LYN: variants seen among roughly 807,000 people sequenced by gnomAD.
LYN encodes tyrosine-protein kinase Lyn.
In LYN, 12 loss-of-function variants were observed where a neutral mutation model predicts 65.0. The observed-to-expected ratio is 0.18, with a 90% CI of 0.12 to 0.30. The LOEUF (loss-of-function observed/expected upper bound fraction) is 0.30, where lower values mean the gene tolerates loss of function less well. Ranked by LOEUF, LYN falls within the 10% of genes least tolerant of loss-of-function variation. The probability of loss-of-function intolerance (pLI) is 1.00; values close to 1 mark genes in which losing one functional copy is unlikely to be tolerated. For synonymous variants in LYN, 222 were observed against 221.2 expected (o/e 1.00, Z -0.03); for missense variants, 380 against 623.2 (o/e 0.61, Z 4.16).
intron 1 of LYN, among the ~76,000 whole-genome samples, chr8:55,918,593 C>T (rs1348247972): frequency 6.6e-6 from 1 of 152,150 alleles, no homozygotes; most frequent in African/African-American, 2.4e-5. Context: ...TTGTCCATCA[C>T]CACACATAAG....
intron 2 of LYN, among the ~76,000 whole-genome samples, chr8:55,943,115 A>G (rs1310867791): frequency 6.6e-6 from 1 of 152,220 alleles, no homozygotes; most frequent in African/African-American, 2.4e-5. Context: ...CTAACATCAC[A>G]TTTTATGGAA....
intron 10 of LYN, among the ~76,000 whole-genome samples, chr8:55,997,634 G>T (rs1467349352): frequency 1.3e-5 from 2 of 152,162 alleles, no homozygotes; most frequent in Non-Finnish European, 2.9e-5. Context: ...GTTCAGGATT[G>T]CAACATTTGA....
intron 8 of LYN, among the ~76,000 whole-genome samples, chr8:55,965,826 G>T (rs1263121397): frequency 6.6e-6 from 1 of 152,028 alleles, no homozygotes; most frequent in African/African-American, 2.4e-5. Flanking sequence ...TATTATTAGA[G>T]AAAAATATTA....
At position 56,010,202 on chromosome 8, in the gene LYN, C is replaced by CG. The variant is rs2130604940; in HGVS notation, c.*96dup. On this transcript the variant is annotated 3_prime_UTR_variant, in exon 13 of 13. Coordinates refer to ENST00000519728, the MANE Select transcript of LYN (RefSeq NM_002350.4). ...CTGGTTGCACTTATGATTTCATGTGCGGGGATCATCTGCCGTGCCTGGATC... is the reference window on the plus strand; with the variant it reads ...CTGGTTGCACTTATGATTTCATGTGCGGGGGATCATCTGCCGTGCCTGGATC... 1 of 1,285,636 alleles carries CG rather than the reference C, an allele frequency of 7.8e-7. No individual in the cohort carries two copies. Among genetic ancestry groups the CG allele is most frequent in the Admixed American group, 1.9e-5 (1 of 53,998 alleles). 79.6% of individuals were successfully genotyped at this position (1,285,636 alleles called of 1,614,324 possible).
rs1806919982 is a variant in LYN, at chr8:55,950,804, C to T, written c.487+20C>T. 6.6e-7 allele frequency: 1 copy of T among 1,520,058 alleles called. No homozygotes were observed. The highest frequency in any genetic ancestry group is 9.1e-7 in the Non-Finnish European group (1 of 1,094,814). 94.2% of individuals were successfully genotyped at this position (1,520,058 alleles called of 1,614,324 possible). A position where few individuals can be genotyped will look rare whatever the true frequency, so the allele number is the denominator to read the frequency against. On this transcript the variant is annotated intron_variant, in intron 6 of 12. Coordinates refer to ENST00000519728, the MANE Select transcript of LYN (RefSeq NM_002350.4). The stretch of plus-strand genomic sequence containing the variant: ...TAAAAGGTAGGAAATTGTTCAAAGC[C>T]TCTTTTAAAACACTATTTAGGAAAT...
intron 1 of LYN, among the ~76,000 whole-genome samples, chr8:55,920,083 G>GT (rs1445855898): frequency 6.6e-6 from 1 of 152,188 alleles, no homozygotes; most frequent in African/African-American, 2.4e-5. Flanking sequence ...ACATAGAACT[G>GT]TTTTTTCTGC....
At chr8:56,002,163 TC>T (rs1808531114) in intron 12 of LYN, among the ~76,000 whole-genome samples, 1 of 152,036 alleles carries the variant, frequency 6.6e-6, no homozygotes, top group African/African-American at 2.4e-5. Flanking sequence ...ACACCTGTAA[TC>T]CCAGCACTTT....
chr8:55,884,772 G>A (rs1446621656), intron 1 of LYN, among the ~76,000 whole-genome samples: 2 of 152,186 alleles, frequency 1.3e-5, no homozygotes, highest in Non-Finnish European at 2.9e-5. Context: ...ATTTAGAAGA[G>A]CAAGTTTAAA....
In LYN at chr8:55,909,028, CACACACACACACACACACACACA is replaced by C. The variant is rs1563504873; in HGVS notation, c.-6+28926_-6+28948del. ...ATATATATACACACACACACACACA[CACACACACACACACACACACACA>C]CCCCACATTTTCTTTACTTTTATTT... On this transcript the variant is annotated intron_variant, in intron 1 of 12. Coordinates refer to ENST00000519728, the MANE Select transcript of LYN (RefSeq NM_002350.4). Among the ~76,000 whole-genome samples the C allele has an allele frequency of 6.4e-3, 383 of 60,310 alleles. 60 individuals are homozygous for C. Among genetic ancestry groups the C allele is most frequent in the Middle Eastern group, 0.029 (4 of 140 alleles). 39.6% of individuals were successfully genotyped at this position (60,310 alleles called of 152,430 possible). A position where few individuals can be genotyped will look rare whatever the true frequency, so the allele number is the denominator to read the frequency against.
chr8:55,973,364 A>G lies in LYN; in HGVS notation c.1050+3571A>G, dbSNP rs77982534. Among the ~76,000 whole-genome samples the G allele has an allele frequency of 9.9e-3, 1,508 of 152,332 alleles. 31 individuals carry two copies. The highest frequency in any genetic ancestry group is 0.035 in the African/African-American group (1,434 of 41,564). On this transcript the variant is annotated intron_variant, in intron 10 of 12. Transcript: ENST00000519728. ...ATTCAACATAGATCAAGAAATCCTG[A>G]CTACAGCAGCTTTACCCACTGCTTT...
At chr8:55,991,600 C>G (rs147524725) in intron 10 of LYN, among the ~76,000 whole-genome samples, 1 of 152,060 alleles carries the variant, frequency 6.6e-6, no homozygotes, top group African/African-American at 2.4e-5. Context: ...CAGAACCCCC[C>G]ACCCCCAGGA....
At chr8:55,883,622 T>C in intron 1 of LYN, among the ~76,000 whole-genome samples, 1 of 152,252 alleles carries the variant, frequency 6.6e-6, no homozygotes, top group Non-Finnish European at 1.5e-5. Flanking sequence ...CGACCTGTGC[T>C]GGGAGTGTCT....
At chr8:55,944,804 A>G (rs1490185005) in intron 2 of LYN, among the ~76,000 whole-genome samples, 1 of 152,180 alleles carries the variant, frequency 6.6e-6, no homozygotes, top group East Asian at 1.9e-4. Context: ...TAAATGATGA[A>G]TAAAGATGTC....
At chr8:55,924,064 TC>T (rs201139655) in intron 1 of LYN, among the ~76,000 whole-genome samples, 5,638 of 150,392 alleles carry the variant, frequency 0.037, 111 homozygotes, top group African/African-American at 0.056. Context: ...TCTTTTTCTT[TC>T]TTTTTTTTTT....
chr8:55,952,347 T>A (rs1005634594), intron 7 of LYN, among the ~76,000 whole-genome samples: 1 of 151,838 alleles, frequency 6.6e-6, no homozygotes, highest in East Asian at 1.9e-4. Context: ...TCACTTGAGG[T>A]CAGGAGTTCG....
intron 1 of LYN, among the ~76,000 whole-genome samples, chr8:55,903,771 T>C (rs927961213): frequency 1.3e-5 from 2 of 152,218 alleles, no homozygotes; most frequent in South Asian, 4.1e-4. Flanking sequence ...CCCAGCACTA[T>C]GGGAGGCCAA....
intron 1 of LYN, among the ~76,000 whole-genome samples, chr8:55,925,861 A>G (rs1048578595): frequency 6.6e-6 from 1 of 152,200 alleles, no homozygotes; most frequent in African/African-American, 2.4e-5. Flanking sequence ...CACTTTAGCA[A>G]TGAAGAAAAA....
intron 12 of LYN, among the ~76,000 whole-genome samples, 183 bp from the exon 13 acceptor site, chr8:56,009,725 G>C (rs1443343836): frequency 6.6e-6 from 1 of 152,090 alleles, no homozygotes; most frequent in African/African-American, 2.4e-5. Context: ...AGGTGTACGC[G>C]GGGTTAGGAC....
At chr8:55,922,367 G>A (rs1231025777) in intron 1 of LYN, among the ~76,000 whole-genome samples, 1 of 151,482 alleles carries the variant, frequency 6.6e-6, no homozygotes, top group African/African-American at 2.4e-5. Flanking sequence ...TGGGATTATA[G>A]GCATGAGCCA....
Sources: allele counts gnomAD v4.1 joint callset (sites outside exome capture counted in the v4.1 genomes callset), GRCh38; gene constraint gnomAD v4.1.1; transcripts MANE v1.5; gene names NCBI Gene and HGNC (gene_info 2026-07-23, HGNC 2026-07-21).